Variants in RYR2 observed in about 807,000 individuals in gnomAD.
RYR2 encodes cardiac muscle ryanodine receptor-calcium release channel.
In RYR2, 227 loss-of-function variants were observed where a neutral mutation model predicts 601.1. The observed-to-expected ratio is 0.38, with a 90% confidence interval of 0.34 to 0.42. The LOEUF (loss-of-function observed/expected upper bound fraction) is 0.42. RYR2 is among the 10% of genes least tolerant of loss of function. The pLI is 1.00. For synonymous variants in RYR2, 2,223 were observed against 2,175.1 expected (o/e 1.02, Z -0.61); for missense variants, 4,646 against 6,156.5 (o/e 0.75, Z 8.21).
chr1:237,624,855 T>C (rs1679472670), intron 39 of RYR2, among the ~76,000 whole-genome samples: 1 of 152,194 alleles, frequency 6.6e-6, no homozygotes, highest in Non-Finnish European at 1.5e-5. Context: ...GCCACTGGTT[T>C]AACCGGTGGT....
At chr1:237,797,645 G>T (rs986237134) in intron 96 of RYR2, among the ~76,000 whole-genome samples, 1 of 151,888 alleles carries the variant, frequency 6.6e-6, no homozygotes, top group Admixed American at 6.6e-5. Context: ...TTTATCTGCA[G>T]AATATCAATA....
intron 60 of RYR2, among the ~76,000 whole-genome samples, chr1:237,676,562 G>A (rs1685415767): frequency 6.6e-6 from 1 of 152,160 alleles, no homozygotes. Context: ...TTAGGTACAA[G>A]AACTCTGTTA....
At chr1:237,590,132 T>A (rs1206789896) in intron 30 of RYR2, 131 bp downstream of exon 30, 25 of 826,434 alleles carry the variant, frequency 3.0e-5, no homozygotes, top group Non-Finnish European at 4.2e-5. Context: ...TATATAGTAG[T>A]GGAATCTAAG....
chr1:237,697,943 C>T (rs1687636668), intron 63 of RYR2, among the ~76,000 whole-genome samples: 1 of 152,124 alleles, frequency 6.6e-6, no homozygotes, highest in Non-Finnish European at 1.5e-5. Context: ...TGTATCATAT[C>T]ACTAAACTGG....
At chr1:237,332,260 T>A (rs1243348942) in intron 3 of RYR2, among the ~76,000 whole-genome samples, 1 of 152,180 alleles carries the variant, frequency 6.6e-6, no homozygotes, top group Non-Finnish European at 1.5e-5. Flanking sequence ...AGCTTATGAC[T>A]TTAGTTGATT....
intron 17 of RYR2, among the ~76,000 whole-genome samples, chr1:237,489,692 G>A (rs1663107981): frequency 6.6e-6 from 1 of 152,148 alleles, no homozygotes; most frequent in Non-Finnish European, 1.5e-5. Flanking sequence ...TGGTGGGAAT[G>A]TAAATTAGTT....
At chr1:237,623,554 C>T (rs1679324564) in intron 38 of RYR2, among the ~76,000 whole-genome samples, 1 of 151,646 alleles carries the variant, frequency 6.6e-6, no homozygotes, top group African/African-American at 2.4e-5. Context: ...CCACCACACC[C>T]AACTAATTTT....
chr1:237,769,345 G>A (rs903449571), intron 84 of RYR2, among the ~76,000 whole-genome samples: 5 of 152,112 alleles, frequency 3.3e-5, no homozygotes, highest in African/African-American at 4.8e-5. Context: ...CTATCCTGTC[G>A]TGAATTTAAA....
chr1:237,543,003 G>C (rs1669464041), intron 25 of RYR2, among the ~76,000 whole-genome samples: 2 of 152,040 alleles, frequency 1.3e-5, no homozygotes, highest in South Asian at 2.1e-4. Context: ...GGAGGCCCTG[G>C]GTTCTTTATC....
intron 82 of RYR2, among the ~76,000 whole-genome samples, chr1:237,758,494 G>T (rs1221090682): frequency 1.3e-5 from 2 of 152,138 alleles, no homozygotes; most frequent in East Asian, 1.9e-4. Flanking sequence ...GTATATATGT[G>T]TGTCTGTGTA....
chr1:237,458,840 G>C (rs1039224803), intron 16 of RYR2, among the ~76,000 whole-genome samples: 3 of 152,022 alleles, frequency 2.0e-5, no homozygotes, highest in Admixed American at 6.6e-5. Context: ...AAAATTTATA[G>C]AGTCATAATA....
At chr1:237,795,871 T>TACAC (rs1328701935) in intron 96 of RYR2, among the ~76,000 whole-genome samples, 2 of 145,076 alleles carry the variant, frequency 1.4e-5, no homozygotes, top group African/African-American at 5.1e-5. Flanking sequence ...TATATATATA[T>TACAC]ATACACATAT....
chr1:237,685,552 C>T (rs1349408900), intron 62 of RYR2, among the ~76,000 whole-genome samples: 1 of 152,156 alleles, frequency 6.6e-6, no homozygotes, highest in African/African-American at 2.4e-5. Flanking sequence ...ATGTTTCACT[C>T]TGGATACTAG....
At chr1:237,705,190 A>G (rs1175012466) in intron 66 of RYR2, 23 bp from the exon 67 acceptor site, 2 of 1,599,476 alleles carry the variant, frequency 1.3e-6, no homozygotes, top group Non-Finnish European at 1.7e-6. Flanking sequence ...AGACCTTAAA[A>G]CATAAGCATT....
intron 102 of RYR2, among the ~76,000 whole-genome samples, chr1:237,829,544 A>C (rs1478270520): frequency 6.6e-6 from 1 of 152,218 alleles, no homozygotes; most frequent in African/African-American, 2.4e-5. Flanking sequence ...TCATCGGTAA[A>C]GCTGATGAGT....
At chr1:237,431,464 A>G (rs1457618751) in intron 12 of RYR2, among the ~76,000 whole-genome samples, 1 of 152,128 alleles carries the variant, frequency 6.6e-6, no homozygotes, top group Non-Finnish European at 1.5e-5. Flanking sequence ...ATTATATATG[A>G]TTTTGGGCCT....
chr1:237,248,488 G>A lies in RYR2; in HGVS notation c.49-22009G>A, dbSNP rs554890669. Reference sequence around the variant, plus strand: ...GTCATCACCCAGAGATTCCCAGGCTGGAAATTCCTTCTTTCTTTATTCATA... The same window carrying A: ...GTCATCACCCAGAGATTCCCAGGCTAGAAATTCCTTCTTTCTTTATTCATA... On this transcript the variant is annotated intron_variant, in intron 1 of 104. Transcript: ENST00000366574. Among the ~76,000 whole-genome samples the A allele has an allele frequency of 3.3e-5, 5 of 152,040 alleles. No homozygotes were observed. In the South Asian group the frequency reaches 1.0e-3, roughly 32 times the overall value.
At chr1:237,651,630 G>A (rs1682740231) in intron 51 of RYR2, 129 bp downstream of exon 51, 4 of 626,234 alleles carry the variant, frequency 6.4e-6, no homozygotes, top group Admixed American at 5.9e-5. Flanking sequence ...ATTGAAATGG[G>A]CATAGAAGTT....
chr1:237,360,932 C>T (rs7534225), intron 4 of RYR2, among the ~76,000 whole-genome samples: 54,966 of 151,980 alleles, frequency 0.36, 10,300 homozygotes, highest in East Asian at 0.43. Flanking sequence ...CAAGCTGGAG[C>T]GTGGCTCAAG....
Sources: gnomAD v4.1 joint callset for allele counts (sites outside exome capture counted in the v4.1 genomes callset) on GRCh38, gnomAD v4.1.1 for gene constraint, MANE v1.5 for transcripts, NCBI Gene and HGNC (gene_info 2026-07-23, HGNC 2026-07-21) for gene names.